The following VSX2 variants were observed in gnomAD, a reference collection of about 807,000 sequenced individuals.
VSX2 encodes visual system homeobox 2.
VSX2 carries 28 observed loss-of-function variants against 32.1 expected under a neutral mutation model. That is an observed-to-expected ratio of 0.87 (90% CI 0.65 to 1.20). VSX2 has a LOEUF of 1.20. Ranked by LOEUF, VSX2 falls within the 50% of genes most tolerant of loss-of-function variation. The pLI, the probability that VSX2 is intolerant of heterozygous loss-of-function variation, is 0.00. For synonymous variants in VSX2, 243 were observed against 214.1 expected (o/e 1.14, Z -1.18); for missense variants, 506 against 488.7 (o/e 1.04, Z -0.33).
chr14:74,249,022 C>T (rs887113503), intron 3 of VSX2, among the ~76,000 whole-genome samples: 1 of 152,220 alleles, frequency 6.6e-6, no homozygotes, highest in Admixed American at 6.5e-5. Flanking sequence ...GAAACCCCTG[C>T]ATGTCTGAAG....
At chr14:74,257,484 G>C (rs1014621779) in intron 3 of VSX2, among the ~76,000 whole-genome samples, 3 of 152,248 alleles carry the variant, frequency 2.0e-5, no homozygotes, top group African/African-American at 7.2e-5. Flanking sequence ...CCCATGTTTA[G>C]AGGCTCCCAG....
chr14:74,251,819 CAG>C (rs59786099), intron 3 of VSX2, among the ~76,000 whole-genome samples: 45,310 of 151,920 alleles, frequency 0.3, 7,313 homozygotes, highest in East Asian at 0.64. Context: ...TGAGTGGGTG[CAG>C]AGTGTGAAGC....
chr14:74,257,097 G>A (rs1353105920), intron 3 of VSX2, among the ~76,000 whole-genome samples: 11 of 152,126 alleles, frequency 7.2e-5, no homozygotes, highest in Admixed American at 7.2e-4. Context: ...CAGACAAACC[G>A]CAGGCCCCGG....
At chr14:74,247,653 C>T (rs945324168) in intron 3 of VSX2, among the ~76,000 whole-genome samples, 2 of 152,178 alleles carry the variant, frequency 1.3e-5, no homozygotes, top group Non-Finnish European at 2.9e-5. Flanking sequence ...AACTCTGAAT[C>T]GAAAGCCCAC....
intron 3 of VSX2, 73 bp downstream of exon 3, chr14:74,245,361 T>A: frequency 6.3e-7 from 1 of 1,597,616 alleles, no homozygotes; most frequent in African/African-American, 1.3e-5. Flanking sequence ...GGGTTCCAGA[T>A]GCCCATGACC....
intron 3 of VSX2, among the ~76,000 whole-genome samples, chr14:74,258,967 T>G (rs2079285578): frequency 6.6e-6 from 1 of 152,240 alleles, no homozygotes; most frequent in African/African-American, 2.4e-5. Context: ...AGCAGGTACC[T>G]GGAGGGCACA....
intron 1 of VSX2, 98 bp from the exon 2 acceptor site, chr14:74,241,084 C>T: frequency 7.7e-7 from 1 of 1,296,148 alleles, no homozygotes. Context: ...CAGGTCCCCG[C>T]CGCTCGCGGA....
At chr14:74,248,383 G>GAAGAA (rs1157409405) in intron 3 of VSX2, among the ~76,000 whole-genome samples, 1 of 148,816 alleles carries the variant, frequency 6.7e-6, no homozygotes, top group African/African-American at 2.5e-5. Context: ...CCCTGTCTTG[G>GAAGAA]AAGAAAAGAA....
In VSX2 at chr14:74,239,911, C is replaced by G. The variant is rs763918029; in HGVS notation, c.350C>G (p.Thr117Ser). 1 of 1,569,678 alleles carries G rather than the reference C, an allele frequency of 6.4e-7. No homozygotes were observed. The highest frequency in any genetic ancestry group is 8.6e-7 in the Non-Finnish European group (1 of 1,158,282). The change falls in exon 1 of 5, where the codon ACC becomes AGC. Residue 117 changes from threonine to serine, a missense_variant. Thr to Ser is a moderately conservative substitution (Grantham distance 58). Coordinates refer to ENST00000261980, the MANE Select transcript of VSX2 (RefSeq NM_182894.3). ...PLGRASGPLD[T>S]SQTASSDSED... is the part of the protein sequence containing the mutation. ...GGCAGAGCATCGGGGCCGCTGGACA[C>G]CAGCCAGACGGCCAGCTCGGGTAGG... is the stretch of plus-strand genomic sequence containing the variant.
intron 3 of VSX2, among the ~76,000 whole-genome samples, chr14:74,258,000 C>T (rs2079277884): frequency 6.6e-6 from 1 of 152,048 alleles, no homozygotes; most frequent in African/African-American, 2.4e-5. Flanking sequence ...AGCCATCTGC[C>T]GCCGAGCCCG....
At chr14:74,254,783 G>GTTTTTTTTTTTTTTTTTTTTT (rs1566887118) in intron 3 of VSX2, among the ~76,000 whole-genome samples, 2 of 72,388 alleles carry the variant, frequency 2.8e-5, no homozygotes, top group South Asian at 5.2e-4. Flanking sequence ...CCGAAAAGTG[G>GTTTTTTTTTTTTTTTTTTTTT]ATTTTTTTTT....
intron 3 of VSX2, among the ~76,000 whole-genome samples, chr14:74,258,700 T>C (rs1203650563): frequency 6.6e-6 from 1 of 152,096 alleles, no homozygotes; most frequent in Non-Finnish European, 1.5e-5. Context: ...CCAAGAAATG[T>C]TCCCTCCTCA....
At chr14:74,246,351 A>C (rs1043430147) in intron 3 of VSX2, among the ~76,000 whole-genome samples, 2 of 152,100 alleles carry the variant, frequency 1.3e-5, no homozygotes, top group African/African-American at 4.8e-5. Flanking sequence ...GGGGGAGCCA[A>C]GTAAGGTGTG....
intron 3 of VSX2, among the ~76,000 whole-genome samples, chr14:74,254,784 A>AGTTTTTTTTTTTTTTTTTTTTTTTTT (rs2079252098): frequency 1.7e-5 from 2 of 116,642 alleles, no homozygotes; most frequent in Non-Finnish European, 3.5e-5. Flanking sequence ...CGAAAAGTGG[A>AGTTTTTTTTTTTTTTTTTTTTTTTTT]TTTTTTTTTT....
At chr14:74,240,558 G>A (rs977806997) in intron 1 of VSX2, among the ~76,000 whole-genome samples, 10 of 152,160 alleles carry the variant, frequency 6.6e-5, no homozygotes, top group Non-Finnish European at 1.3e-4. Flanking sequence ...TTCTCCCCGC[G>A]CTGCTTTCCG....
Position 74,239,940 on chromosome 14 carries a change from G to A in VSX2, c.370+9G>A. On this transcript the variant is annotated intron_variant, in intron 1 of 4. Transcript: ENST00000261980. ...CCAGACGGCCAGCTCGGGTAGGTGA[G>A]GAGAGGTTGCGCTGCTGCCTGACTG... The A allele has an allele frequency of 6.4e-7, 1 of 1,558,100 alleles. No individual in the cohort carries two copies. The highest frequency in any genetic ancestry group is 8.7e-7 in the Non-Finnish European group (1 of 1,152,072).
Position 74,239,646 on chromosome 14 carries a change from T to C in VSX2, c.85T>C (p.Cys29Arg), listed in dbSNP as rs1161273250. Reference protein sequence around the residue: ...KSTSGGAPARCTGFGIQEILG... With the variant: ...KSTSGGAPARRTGFGIQEILG... Reference sequence around the variant, plus strand: ...TACCTCGGGGGGCGCCCCGGCCAGGTGCACTGGGTTCGGCATCCAGGAGAT... The same window carrying C: ...TACCTCGGGGGGCGCCCCGGCCAGGCGCACTGGGTTCGGCATCCAGGAGAT... The change falls in exon 1 of 5, where the codon TGC becomes CGC. Residue 29 changes from cysteine (C) to arginine (R), a missense_variant. Cys to Arg is a radical substitution (Grantham distance 180). Coordinates refer to ENST00000261980, the MANE Select transcript of VSX2 (RefSeq NM_182894.3). 6.5e-7 allele frequency: 1 copy of C among 1,550,124 alleles called. No homozygotes were observed. The highest frequency in any genetic ancestry group is 2.0e-5 in the Admixed American group (1 of 50,944).
At chr14:74,255,883 C>T (rs183458016) in intron 3 of VSX2, among the ~76,000 whole-genome samples, 3 of 152,292 alleles carry the variant, frequency 2.0e-5, no homozygotes, top group Admixed American at 2.0e-4. Context: ...AAAAACCGGA[C>T]CAGACCTTAC....
chr14:74,241,645 CG>C (rs2079151172), intron 2 of VSX2, among the ~76,000 whole-genome samples: 1 of 152,242 alleles, frequency 6.6e-6, no homozygotes, highest in Non-Finnish European at 1.5e-5. Flanking sequence ...CTGCCAGAGC[CG>C]GTTCTTTGCC....
Sources: gnomAD v4.1 joint callset for allele counts (sites outside exome capture counted in the v4.1 genomes callset) on GRCh38, gnomAD v4.1.1 for gene constraint, MANE v1.5 for transcripts, NCBI Gene and HGNC (gene_info 2026-07-23, HGNC 2026-07-21) for gene names.